Variants in EPB41L4A observed in about 807,000 individuals in gnomAD.
EPB41L4A encodes the protein band 4.1-like protein 4A.
In EPB41L4A, 100 loss-of-function variants were observed where a neutral mutation model predicts 108.6. That is an observed-to-expected ratio of 0.92 (90% CI 0.78 to 1.09). The LOEUF is 1.09. Among genes scored for constraint, EPB41L4A ranks in the 50% least tolerant of loss-of-function variants. EPB41L4A has a pLI of 0.00. For synonymous variants in EPB41L4A, 319 were observed against 289.0 expected (o/e 1.10, Z -1.05); for missense variants, 1,030 against 842.7 (o/e 1.22, Z -2.75).
At position 112,266,225 on chromosome 5, in the gene EPB41L4A, G is replaced by T. The variant is rs1288625669; in HGVS notation, c.433+8C>A. Reference sequence around the variant, plus strand: ...TTTCTGAGGCAAATATGCTTAAGTGGCACCTACACTGGATGGCATACGCTC... The same window carrying T: ...TTTCTGAGGCAAATATGCTTAAGTGTCACCTACACTGGATGGCATACGCTC... On this transcript the variant is annotated splice_region_variant and intron_variant, in intron 5 of 22. Coordinates refer to ENST00000261486, the MANE Select transcript of EPB41L4A (RefSeq NM_022140.5). The T allele has an allele frequency of 6.3e-7, 1 of 1,584,724 alleles. No homozygotes were observed. The highest frequency in any genetic ancestry group is 8.6e-7 in the Non-Finnish European group (1 of 1,166,868).
intron 1 of EPB41L4A, among the ~76,000 whole-genome samples, chr5:112,351,743 G>C (rs943580574): frequency 6.6e-6 from 1 of 152,002 alleles, no homozygotes; most frequent in African/African-American, 2.4e-5. Flanking sequence ...TGAAAATCCC[G>C]AACAAAAGAC....
At chr5:112,353,343 C>T (rs1383345815) in intron 1 of EPB41L4A, among the ~76,000 whole-genome samples, 2 of 152,232 alleles carry the variant, frequency 1.3e-5, no homozygotes, top group African/African-American at 4.8e-5. Flanking sequence ...CTCCAGGCAA[C>T]TTGCTTGGGT....
At chr5:112,172,999 T>C (rs1239406198) in intron 18 of EPB41L4A, among the ~76,000 whole-genome samples, 2 of 152,140 alleles carry the variant, frequency 1.3e-5, no homozygotes, top group Non-Finnish European at 2.9e-5. Context: ...ACCTCCCCAG[T>C]GTGACAGCCA....
intron 17 of EPB41L4A, among the ~76,000 whole-genome samples, chr5:112,192,722 C>G (rs2150257417): frequency 6.6e-6 from 1 of 152,338 alleles, no homozygotes; most frequent in South Asian, 2.1e-4. Context: ...CAACCTTTCA[C>G]TAGTGTTTCA....
rs201371193 is a variant in EPB41L4A at position 112,192,558 on chromosome 5, G to A, written c.1502+2010C>T. 5.3e-5 allele frequency among the ~76,000 whole-genome samples: 8 copies of A among 152,248 alleles called. No individual in the cohort carries two copies. In the East Asian group the frequency reaches 1.2e-3, roughly 22 times the overall value. The stretch of plus-strand genomic sequence containing the variant: ...AGTGCATTAAACATTCAGAATCACC[G>A]TTATTCTAAAATATACTTTTTACAC... On this transcript the variant is annotated intron_variant, in intron 17 of 22. Transcript: ENST00000261486.
At chr5:112,362,197 G>C (rs553650956) in intron 1 of EPB41L4A, among the ~76,000 whole-genome samples, 2 of 152,090 alleles carry the variant, frequency 1.3e-5, no homozygotes, top group Non-Finnish European at 2.9e-5. Flanking sequence ...TTGAATTCCT[G>C]GCCTCAAGCA....
chr5:112,333,281 T>TG (rs1314267929), intron 1 of EPB41L4A, among the ~76,000 whole-genome samples: 5 of 144,942 alleles, frequency 3.4e-5, no homozygotes, highest in African/African-American at 7.7e-5. Context: ...GGAAATATAT[T>TG]GGGGGGTGGG....
In EPB41L4A at chr5:112,383,833, T is replaced by C. The variant is rs1760321564; in HGVS notation, c.99+35108A>G. Among the ~76,000 whole-genome samples the C allele has an allele frequency of 2.6e-5, 4 of 152,088 alleles. No individual in the cohort carries two copies. The South Asian group carries it at 8.3e-4, about 32-fold the overall frequency. The stretch of plus-strand genomic sequence containing the variant: ...TGAAAAAACAGTCAACAAACTATAT[T>C]GGGACAAAAAGTTATCTGTCAATAA... On this transcript the variant is annotated intron_variant, in intron 1 of 22. Coordinates refer to ENST00000261486, the MANE Select transcript of EPB41L4A (RefSeq NM_022140.5).
chr5:112,408,620 A>T (rs1011486023), intron 1 of EPB41L4A, among the ~76,000 whole-genome samples: 1 of 139,628 alleles, frequency 7.2e-6, no homozygotes, highest in African/African-American at 2.7e-5. Context: ...CTTTGGGAGA[A>T]TCAGTTGAGG....
chr5:112,195,191 G>T (rs1761901530), intron 16 of EPB41L4A, among the ~76,000 whole-genome samples: 1 of 152,108 alleles, frequency 6.6e-6, no homozygotes, highest in South Asian at 2.1e-4. Context: ...CTACAGAAGT[G>T]TAAGCTAGCC....
chr5:112,307,151 T>C (rs1042265788), intron 2 of EPB41L4A, among the ~76,000 whole-genome samples: 4 of 152,128 alleles, frequency 2.6e-5, no homozygotes, highest in Non-Finnish European at 4.4e-5. Flanking sequence ...GGAAACCACA[T>C]ATGCCATCTG....
intron 15 of EPB41L4A, among the ~76,000 whole-genome samples, chr5:112,198,303 G>T (rs2150277547): frequency 6.6e-6 from 1 of 152,222 alleles, no homozygotes; most frequent in East Asian, 1.9e-4. Context: ...AAAGTGCTGG[G>T]ATTACAGGCA....
chr5:112,309,740 G>A (rs1276763495), intron 1 of EPB41L4A, among the ~76,000 whole-genome samples: 1 of 152,148 alleles, frequency 6.6e-6, no homozygotes, highest in African/African-American at 2.4e-5. Flanking sequence ...AATCAAATGG[G>A]CTCTAAAAAG....
chr5:112,289,158 A>C (rs1447567812), intron 2 of EPB41L4A, among the ~76,000 whole-genome samples: 1 of 152,142 alleles, frequency 6.6e-6, no homozygotes, highest in African/African-American at 2.4e-5. Flanking sequence ...GTAGTGATGG[A>C]AGAGAAGGCT....
At chr5:112,354,400 T>C (rs1554102548) in intron 1 of EPB41L4A, among the ~76,000 whole-genome samples, 1 of 151,870 alleles carries the variant, frequency 6.6e-6, no homozygotes, top group Non-Finnish European at 1.5e-5. Flanking sequence ...AAAGGGAAAA[T>C]AAACAACCTG....
intron 1 of EPB41L4A, among the ~76,000 whole-genome samples, chr5:112,399,265 G>A (rs1212678046): frequency 6.6e-6 from 1 of 152,016 alleles, no homozygotes; most frequent in South Asian, 2.1e-4. Context: ...TCTGCCTCCT[G>A]TCACCCCCAT....
chr5:112,156,613 C>G (rs147315328), intron 12 of EPB41L4A, among the ~76,000 whole-genome samples: 5 of 152,296 alleles, frequency 3.3e-5, no homozygotes, highest in Admixed American at 3.3e-4. Context: ...GAAACATCCT[C>G]AAAGACACAC....
intron 12 of EPB41L4A, among the ~76,000 whole-genome samples, chr5:112,223,296 A>T (rs970061804): frequency 9.2e-5 from 14 of 152,098 alleles, no homozygotes; most frequent in African/African-American, 3.4e-4. Context: ...CTACCAAAAT[A>T]ACCCTGAACT....
chr5:112,351,999 AAC>A (rs1758072108), intron 1 of EPB41L4A, among the ~76,000 whole-genome samples: 1 of 152,248 alleles, frequency 6.6e-6, no homozygotes, highest in Non-Finnish European at 1.5e-5. Flanking sequence ...AAGACACCTC[AAC>A]ATAATAACGG....
Sources: gnomAD v4.1 joint callset for allele counts (sites outside exome capture counted in the v4.1 genomes callset) on GRCh38, gnomAD v4.1.1 for gene constraint, MANE v1.5 for transcripts, NCBI Gene and HGNC (gene_info 2026-07-23, HGNC 2026-07-21) for gene names.